Variants in TSNARE1 observed in about 807,000 individuals in gnomAD.
TSNARE1 encodes t-SNARE domain-containing protein 1.
A neutral mutation model predicts 62.0 loss-of-function variants in TSNARE1; 49 were observed. That is an observed-to-expected ratio of 0.79 (90% CI 0.63 to 1.00). The LOEUF is 1.00. Among genes scored for constraint, TSNARE1 ranks in the 50% least tolerant of loss-of-function variants. The pLI, the probability that TSNARE1 is intolerant of heterozygous loss-of-function variation, is 0.00. For missense variants in TSNARE1, 755 were observed against 700.1 expected (o/e 1.08, Z -0.88); for synonymous variants, 328 against 294.4 (o/e 1.11, Z -1.17).
chr8:142,325,764 C>G (rs552673228), intron 6 of TSNARE1, among the ~76,000 whole-genome samples: 60 of 152,288 alleles, frequency 3.9e-4, no homozygotes, highest in Non-Finnish European at 7.1e-4. Context: ...GGGAGGAGGT[C>G]AGAGAGGAAA....
chr8:142,388,550 C>CTTT (rs71313221), intron 1 of TSNARE1, among the ~76,000 whole-genome samples: 135 of 67,402 alleles, frequency 2.0e-3, no homozygotes, highest in East Asian at 3.0e-3. Context: ...AAAACAAAAT[C>CTTT]TTTTTTTTTT....
intron 13 of TSNARE1, among the ~76,000 whole-genome samples, chr8:142,214,458 C>T (rs1043640739): frequency 2.0e-5 from 3 of 152,200 alleles, no homozygotes; most frequent in Admixed American, 2.0e-4. Context: ...CGGGATAGTT[C>T]TCCAGTCATC....
intron 1 of TSNARE1, among the ~76,000 whole-genome samples, chr8:142,362,841 C>T (rs1835264069): frequency 6.6e-6 from 1 of 152,188 alleles, no homozygotes; most frequent in Admixed American, 6.5e-5. Flanking sequence ...AGTCCTGGCC[C>T]TTGAATCTGT....
intron 9 of TSNARE1, among the ~76,000 whole-genome samples, chr8:142,313,710 T>C (rs1828042778): frequency 6.6e-6 from 1 of 152,182 alleles, no homozygotes; most frequent in Non-Finnish European, 1.5e-5. Flanking sequence ...TGTTTATCTG[T>C]GTGTCTGCAT....
intron 12 of TSNARE1, chr8:142,270,314 G>A (rs1171367355): frequency 3.2e-5 from 32 of 985,296 alleles, no homozygotes; most frequent in East Asian, 2.3e-4. Context: ...TGAAAGCAGC[G>A]GTGCCTGCCA....
At chr8:142,321,038 T>C (rs1368986179) in intron 6 of TSNARE1, among the ~76,000 whole-genome samples, 1 of 152,172 alleles carries the variant, frequency 6.6e-6, no homozygotes, top group Non-Finnish European at 1.5e-5. Flanking sequence ...AAGGCCTCCT[T>C]ACCCAACCTG....
chr8:142,299,528 G>A (rs1375963757), intron 10 of TSNARE1, among the ~76,000 whole-genome samples: 1 of 152,240 alleles, frequency 6.6e-6, no homozygotes, highest in Non-Finnish European at 1.5e-5. Context: ...CCAACAGAGC[G>A]TGTCCCCCCC....
At position 142,344,050 on chromosome 8, in the gene TSNARE1, G is replaced by A; in HGVS notation, c.661C>T (p.Leu221Phe). 6.3e-7 allele frequency: 1 copy of A among 1,594,690 alleles called. No homozygotes were observed. Among genetic ancestry groups the A allele is most frequent in the Non-Finnish European group, 8.6e-7 (1 of 1,168,346 alleles). ...GCCACCACCTGCTCCACGGGCGTGA[G>A]AGCCAGGGCCTGGGGCTTGCCGGAA... Reference protein sequence around the residue: ...PGSGKPQALALTPVEQVVAKT... With the variant: ...PGSGKPQALAFTPVEQVVAKT... The change falls in exon 4 of 14, where the codon CTC becomes TTC. Residue 221 changes from leucine (L) to phenylalanine (F), a missense_variant. Physicochemically the swap from Leu to Phe is conservative, Grantham distance 22. Coordinates refer to ENST00000524325, the MANE Select transcript of TSNARE1 (RefSeq NM_145003.5).
chr8:142,290,047 C>T (rs1438079932), intron 10 of TSNARE1, among the ~76,000 whole-genome samples: 1 of 152,226 alleles, frequency 6.6e-6, no homozygotes. Context: ...CAGGCCTCGG[C>T]TCCTGAGGAG....
intron 7 of TSNARE1, among the ~76,000 whole-genome samples, chr8:142,317,619 G>C (rs897473733): frequency 1.9e-4 from 29 of 152,184 alleles, no homozygotes; most frequent in Admixed American, 6.5e-5. Context: ...TCAGCAACTG[G>C]GCACTGACCT....
chr8:142,386,800 A>G (rs772678348), intron 1 of TSNARE1, among the ~76,000 whole-genome samples: 3 of 152,228 alleles, frequency 2.0e-5, no homozygotes, highest in Admixed American at 6.5e-5. Context: ...TACGCAACAA[A>G]TCACATAGCA....
intron 11 of TSNARE1, chr8:142,278,338 C>T: frequency 2.0e-6 from 2 of 985,466 alleles, no homozygotes; most frequent in Non-Finnish European, 1.2e-6. Flanking sequence ...GCCATGGCTG[C>T]CACTGGGGGC....
chr8:142,283,012 AGGCGG>A (rs1563823580), intron 11 of TSNARE1, among the ~76,000 whole-genome samples: 1 of 149,280 alleles, frequency 6.7e-6, no homozygotes, highest in East Asian at 2.0e-4. Flanking sequence ...CAATGAGCAG[AGGCGG>A]GGTCAGTGTC....
intron 12 of TSNARE1, among the ~76,000 whole-genome samples, chr8:142,250,359 G>C (rs1048482499): frequency 6.6e-6 from 1 of 152,132 alleles, no homozygotes; most frequent in African/African-American, 2.4e-5. Flanking sequence ...AGCTCCTTGG[G>C]GTGCGAGGTT....
intron 12 of TSNARE1, chr8:142,269,459 A>T: frequency 1.0e-6 from 1 of 985,460 alleles, no homozygotes; most frequent in Non-Finnish European, 1.2e-6. Flanking sequence ...CAGCCATACG[A>T]GGCCACTGTC....
At chr8:142,306,568 C>A (rs1252848619) in intron 9 of TSNARE1, among the ~76,000 whole-genome samples, 1 of 152,204 alleles carries the variant, frequency 6.6e-6, no homozygotes, top group Non-Finnish European at 1.5e-5. Flanking sequence ...GCTGCTCACC[C>A]CACACCCAGG....
At chr8:142,266,136 T>A (rs1819124377) in intron 12 of TSNARE1, among the ~76,000 whole-genome samples, 1 of 152,196 alleles carries the variant, frequency 6.6e-6, no homozygotes. Flanking sequence ...AATATTTAAC[T>A]CCCCTGCAAA....
intron 12 of TSNARE1, chr8:142,274,042 T>G (rs1820020871): frequency 4.1e-6 from 4 of 985,200 alleles, no homozygotes; most frequent in Middle Eastern, 5.2e-4. Context: ...CAGGGGCTTC[T>G]TCTGCGCTCC....
At chr8:142,345,476 G>C (rs1321508730) in intron 3 of TSNARE1, among the ~76,000 whole-genome samples, 1 of 152,206 alleles carries the variant, frequency 6.6e-6, no homozygotes, top group Non-Finnish European at 1.5e-5. Flanking sequence ...AGAGCCCCCA[G>C]CGGGAGCACC....
Sources: gnomAD v4.1 joint callset for allele counts (sites outside exome capture counted in the v4.1 genomes callset) on GRCh38, gnomAD v4.1.1 for gene constraint, MANE v1.5 for transcripts, NCBI Gene and HGNC (gene_info 2026-07-23, HGNC 2026-07-21) for gene names.